The following TNKS variants were observed in gnomAD, a reference collection of about 807,000 sequenced individuals.
TNKS encodes the protein tankyrase.
A neutral mutation model predicts 135.8 loss-of-function variants in TNKS; 72 were observed. The observed-to-expected ratio is 0.53, with a 90% confidence interval of 0.44 to 0.64. The LOEUF (loss-of-function observed/expected upper bound fraction) is 0.64. TNKS is among the 30% of genes least tolerant of loss of function. TNKS has a pLI of 0.00. For missense variants in TNKS, 1,769 were observed against 1,674.0 expected, an observed-to-expected ratio of 1.06 and a Z score of -0.99; for synonymous variants, 849 against 649.3, an observed-to-expected ratio of 1.31 and a Z score of -4.68.
chr8:9,649,142 A>C (rs1445378394), intron 3 of TNKS, among the ~76,000 whole-genome samples: 3 of 152,212 alleles, frequency 2.0e-5, no homozygotes, highest in Admixed American at 2.0e-4. Context: ...TTGGTGTGCT[A>C]TACTTGTTAG....
At chr8:9,763,845 A>G (rs947199863) in intron 22 of TNKS, among the ~76,000 whole-genome samples, 1 of 152,058 alleles carries the variant, frequency 6.6e-6, no homozygotes, top group African/African-American at 2.4e-5. Flanking sequence ...AAGCTACCCA[A>G]TTGTGTTATG....
chr8:9,564,827 G>C (rs1347452145), intron 1 of TNKS, among the ~76,000 whole-genome samples: 1 of 152,206 alleles, frequency 6.6e-6, no homozygotes, highest in African/African-American at 2.4e-5. Context: ...AGGGCTAGGT[G>C]CAGCCTCCCC....
chr8:9,696,505 A>C lies in TNKS; in HGVS notation c.1108-8158A>C, dbSNP rs186100448. ...ATAGGGAAAAAAAACAAGTCAAACT[A>C]CCTCTCTTCACTGACACTATGATTT... On this transcript the variant is annotated intron_variant, in intron 5 of 26. Coordinates refer to ENST00000310430, the MANE Select transcript of TNKS (RefSeq NM_003747.3). Among the ~76,000 whole-genome samples the C allele has an allele frequency of 2.0e-5, 3 of 152,234 alleles. No homozygotes were observed. The East Asian group carries it at 5.8e-4, about 29-fold the overall frequency.
At chr8:9,642,403 A>C (rs898753323) in intron 3 of TNKS, among the ~76,000 whole-genome samples, 1 of 146,390 alleles carries the variant, frequency 6.8e-6, no homozygotes, top group African/African-American at 2.5e-5. Flanking sequence ...TATTTGAAAC[A>C]GTTTTCTACT....
chr8:9,563,939 T>C (rs143018481), intron 1 of TNKS, among the ~76,000 whole-genome samples: 4 of 152,320 alleles, frequency 2.6e-5, no homozygotes, highest in Non-Finnish European at 5.9e-5. Context: ...AGGTCTGAGA[T>C]AGTTAAGGTA....
rs922457896 is a variant in TNKS at position 9,777,031 on chromosome 8, A to G, written c.*295A>G. ...AGATTGCTTCGATCTAGACTTGGAA[A>G]TGGAAAATAAGAAAACCAATGCTTT... On this transcript the variant is annotated 3_prime_UTR_variant, in exon 27 of 27. Transcript: ENST00000310430. The G allele has an allele frequency of 3.4e-5, 12 of 349,482 alleles. No homozygotes were observed. Among genetic ancestry groups the G allele is most frequent in the Non-Finnish European group, 5.3e-5 (10 of 189,854 alleles). The allele number at this position is 349,482 out of a possible 1,614,324, so 21.6% of individuals were successfully genotyped here. A position where few individuals can be genotyped will look rare whatever the true frequency, so the allele number is the denominator to read the frequency against.
At chr8:9,680,973 A>C (rs903088041) in intron 5 of TNKS, 173 bp downstream of exon 5, 1 of 477,052 alleles carries the variant, frequency 2.1e-6, no homozygotes, top group Non-Finnish European at 3.7e-6. Flanking sequence ...CATTCATAGA[A>C]CTGGTGAAGC....
At chr8:9,769,415 C>T (rs1456398500) in intron 25 of TNKS, among the ~76,000 whole-genome samples, 1 of 152,146 alleles carries the variant, frequency 6.6e-6, no homozygotes, top group African/African-American at 2.4e-5. Context: ...CGTTCATGAT[C>T]CACTTTTATT....
chr8:9,770,039 T>C, intron 25 of TNKS, 67 bp from the exon 26 acceptor site: 1 of 1,427,038 alleles, frequency 7.0e-7, no homozygotes, highest in Non-Finnish European at 9.5e-7. Flanking sequence ...AATTAATAGA[T>C]CTAGCAGTTA....
chr8:9,669,215 G>A (rs1215681939), intron 3 of TNKS, among the ~76,000 whole-genome samples: 1 of 151,218 alleles, frequency 6.6e-6, no homozygotes, highest in South Asian at 2.1e-4. Flanking sequence ...TCAGGAGATC[G>A]AGACCATCCT....
At chr8:9,746,617 A>G (rs948810033) in intron 17 of TNKS, among the ~76,000 whole-genome samples, 1 of 152,092 alleles carries the variant, frequency 6.6e-6, no homozygotes, top group Non-Finnish European at 1.5e-5. Context: ...GAGCTCATTT[A>G]TCAAGTAGCT....
At chr8:9,718,485 T>C (rs978028553) in intron 11 of TNKS, among the ~76,000 whole-genome samples, 6 of 152,210 alleles carry the variant, frequency 3.9e-5, no homozygotes, top group African/African-American at 1.4e-4. Context: ...TTCTTTGTGG[T>C]CTGCTTGCCG....
At chr8:9,600,955 A>G (rs1798992975) in intron 2 of TNKS, among the ~76,000 whole-genome samples, 1 of 152,218 alleles carries the variant, frequency 6.6e-6, no homozygotes, top group African/African-American at 2.4e-5. Context: ...ATTTAATGTT[A>G]GTCATTTGAT....
At chr8:9,757,731 C>G (rs1806919139) in intron 20 of TNKS, among the ~76,000 whole-genome samples, 1 of 152,200 alleles carries the variant, frequency 6.6e-6, no homozygotes, top group Non-Finnish European at 1.5e-5. Flanking sequence ...TGGCCCCACT[C>G]TTTTACTATC....
At chr8:9,743,367 G>C (rs938099726) in intron 17 of TNKS, 2 of 152,098 alleles carry the variant, frequency 1.3e-5, no homozygotes, top group African/African-American at 4.8e-5. Context: ...CCTGAACTTA[G>C]GGTCTGAATA....
rs535337588 is a variant in TNKS at position 9,639,907 on chromosome 8, A to G, written c.994+24230A>G. Among the ~76,000 whole-genome samples, 200 of 152,344 alleles carry G rather than the reference A, an allele frequency of 1.3e-3. 1 individual carries two copies. The highest frequency in any genetic ancestry group is 2.0e-3 in the Non-Finnish European group (139 of 68,036). ...GTAAATTGTGTGAAGCTTATGTTCC[A>G]AAAGACTAATCGGGACGGTTCAAGA... On this transcript the variant is annotated intron_variant, in intron 3 of 26. Transcript: ENST00000310430.
chr8:9,613,870 T>C (rs1220001181), intron 2 of TNKS, among the ~76,000 whole-genome samples: 1 of 152,204 alleles, frequency 6.6e-6, no homozygotes, highest in East Asian at 1.9e-4. Flanking sequence ...CTAGCACTCA[T>C]TAAAAACTAC....
intron 15 of TNKS, among the ~76,000 whole-genome samples, 155 bp downstream of exon 15, chr8:9,733,599 G>C (rs2128818709): frequency 6.6e-6 from 1 of 152,288 alleles, no homozygotes; most frequent in Non-Finnish European, 1.5e-5. Flanking sequence ...TATGTGATAT[G>C]ACACATAGCT....
chr8:9,632,559 G>A (rs540301311), intron 3 of TNKS, among the ~76,000 whole-genome samples: 3 of 151,964 alleles, frequency 2.0e-5, no homozygotes, highest in Non-Finnish European at 2.9e-5. Context: ...CTTTCTTTCA[G>A]CTGCTTTTGA....
Sources: allele counts gnomAD v4.1 joint callset (sites outside exome capture counted in the v4.1 genomes callset), GRCh38; gene constraint gnomAD v4.1.1; transcripts MANE v1.5; gene names NCBI Gene and HGNC (gene_info 2026-07-23, HGNC 2026-07-21).